The following HSD17B4 variants were observed in gnomAD, a reference collection of about 807,000 sequenced individuals.
HSD17B4 encodes the protein hydroxysteroid 17-beta dehydrogenase 4.
Under a neutral mutation model 101.0 loss-of-function variants are expected in HSD17B4, and 70 were observed. That is an observed-to-expected ratio of 0.69 (90% CI 0.57 to 0.85). The LOEUF (loss-of-function observed/expected upper bound fraction) is 0.85. Ranked by LOEUF, HSD17B4 falls within the 40% of genes least tolerant of loss-of-function variation. The pLI, the probability that HSD17B4 is intolerant of heterozygous loss-of-function variation, is 0.00. For missense variants in HSD17B4, 984 were observed against 892.4 expected, an observed-to-expected ratio of 1.10 and a Z score of -1.31; for synonymous variants, 347 against 297.1, an observed-to-expected ratio of 1.17 and a Z score of -1.73.
chr5:119,523,576 A>G (rs1753304956), intron 17 of HSD17B4, among the ~76,000 whole-genome samples: 1 of 152,122 alleles, frequency 6.6e-6, no homozygotes, highest in Non-Finnish European at 1.5e-5. Flanking sequence ...TGTTATCTAT[A>G]GAAAGCAATG....
intron 1 of HSD17B4, among the ~76,000 whole-genome samples, chr5:119,453,261 G>T (rs755958713): frequency 2.0e-5 from 3 of 152,198 alleles, no homozygotes; most frequent in Non-Finnish European, 4.4e-5. Flanking sequence ...TGCGCACAGG[G>T]GTCAGGCGTA....
intron 17 of HSD17B4, among the ~76,000 whole-genome samples, chr5:119,518,708 A>G (rs1752861172): frequency 6.6e-6 from 1 of 152,206 alleles, no homozygotes; most frequent in Non-Finnish European, 1.5e-5. Flanking sequence ...CATAAACTTT[A>G]TGCTAGGTAT....
intron 22 of HSD17B4, among the ~76,000 whole-genome samples, chr5:119,533,302 T>TA (rs879271736): frequency 9.4e-4 from 142 of 151,426 alleles, no homozygotes; most frequent in Non-Finnish European, 1.7e-3. Flanking sequence ...TTTTTTTTTT[T>TA]AAATCCATAG....
intron 17 of HSD17B4, among the ~76,000 whole-genome samples, chr5:119,518,552 A>G (rs1232764964): frequency 6.6e-5 from 10 of 152,176 alleles, no homozygotes; most frequent in Non-Finnish European, 5.9e-5. Flanking sequence ...GTTGAGAAGT[A>G]ATGATGGAGT....
intron 20 of HSD17B4, among the ~76,000 whole-genome samples, chr5:119,529,273 G>A (rs1329416694): frequency 1.3e-5 from 2 of 152,050 alleles, no homozygotes; most frequent in Admixed American, 6.5e-5. Context: ...ATGAAGGACT[G>A]GGAATTAGAA....
chr5:119,511,497 C>T (rs879644409), intron 16 of HSD17B4, among the ~76,000 whole-genome samples: 10 of 152,088 alleles, frequency 6.6e-5, no homozygotes, highest in Non-Finnish European at 1.3e-4. Context: ...ACAATTTATA[C>T]CCCAGGACAC....
At chr5:119,455,069 T>C (rs1331823411) in intron 1 of HSD17B4, among the ~76,000 whole-genome samples, 1 of 152,210 alleles carries the variant, frequency 6.6e-6, no homozygotes, top group Non-Finnish European at 1.5e-5. Flanking sequence ...ATGTAAAAAA[T>C]ATACACATAT....
At chr5:119,525,394 A>G (rs1753496045) in intron 18 of HSD17B4, 109 bp downstream of exon 18, 1 of 743,338 alleles carries the variant, frequency 1.3e-6, no homozygotes, top group Admixed American at 2.0e-5. Flanking sequence ...AGCATTTAAA[A>G]AAATGTTATT....
At chr5:119,492,154 A>T in intron 10 of HSD17B4, 30 bp downstream of exon 10, 1 of 1,560,202 alleles carries the variant, frequency 6.4e-7, no homozygotes, top group Non-Finnish European at 8.8e-7. Flanking sequence ...TGGTTTGTAT[A>T]GATTATTTCC....
In HSD17B4 at chr5:119,493,916, G is replaced by C; in HGVS notation, c.838G>C (p.Glu280Gln). ...TAACTGGAAGAAGATCTGTGACTTTGAGAATGCCAGCAAGCCTCAGAGTAT... is the reference window on the plus strand; with the variant it reads ...TAACTGGAAGAAGATCTGTGACTTTCAGAATGCCAGCAAGCCTCAGAGTAT... ...KANWKKICDF[E>Q]NASKPQSIQE... The change falls in exon 11 of 24, where the codon GAG (glutamate) becomes CAG (glutamine). Residue 280 changes from glutamate to glutamine, a missense_variant. Coordinates refer to ENST00000510025, the MANE Select transcript of HSD17B4 (RefSeq NM_000414.4). 6.2e-7 allele frequency: 1 copy of C among 1,613,346 alleles called. No individual in the cohort carries two copies. The highest frequency in any genetic ancestry group is 1.1e-5 in the South Asian group (1 of 91,058).
At chr5:119,491,022 C>A (rs1039838117) in intron 9 of HSD17B4, among the ~76,000 whole-genome samples, 1 of 152,146 alleles carries the variant, frequency 6.6e-6, no homozygotes, top group African/African-American at 2.4e-5. Context: ...AAGAGCTGTG[C>A]ATAATATCCT....
intron 14 of HSD17B4, among the ~76,000 whole-genome samples, chr5:119,504,354 C>T (rs568476868): frequency 9.5e-4 from 145 of 152,264 alleles, no homozygotes; most frequent in Non-Finnish European, 1.7e-3. Context: ...GAGAAATCTC[C>T]AGACTGCTTT....
chr5:119,460,739 G>C (rs1007306541), intron 2 of HSD17B4, among the ~76,000 whole-genome samples: 1 of 152,204 alleles, frequency 6.6e-6, no homozygotes, highest in African/African-American at 2.4e-5. Flanking sequence ...ATTCTAGTGG[G>C]GAGTAGTGGA....
intron 20 of HSD17B4, among the ~76,000 whole-genome samples, chr5:119,527,739 A>C (rs1272495196): frequency 6.6e-6 from 1 of 152,186 alleles, no homozygotes; most frequent in Non-Finnish European, 1.5e-5. Flanking sequence ...TAGAGACAAA[A>C]TTAGTTAATA....
At position 119,531,325 on chromosome 5, in the gene HSD17B4, T is replaced by C. The variant is rs1580711431; in HGVS notation, c.1914T>C (p.Ile638=). Reference sequence around the variant, plus strand: ...AAATAGGACGCCGCCTAAAGGATATTGGGCCTGAGGTGGTGAAGAAAGTAA... The same window carrying C: ...AAATAGGACGCCGCCTAAAGGATATCGGGCCTGAGGTGGTGAAGAAAGTAA... ...FEEIGRRLKD[I]GPEVVKKVNA... is the part of the protein sequence containing the mutation. Residue 638 remains isoleucine, a synonymous_variant, in exon 22 of 24, where the codon ATT becomes ATC. Coordinates refer to ENST00000510025, the MANE Select transcript of HSD17B4 (RefSeq NM_000414.4). 1.2e-6 allele frequency: 2 copies of C among 1,613,498 alleles called. No individual in the cohort carries two copies. Among genetic ancestry groups the C allele is most frequent in the African/African-American group, 2.7e-5 (2 of 74,864 alleles).
chr5:119,503,421 C>A (rs1453071267), intron 14 of HSD17B4, among the ~76,000 whole-genome samples: 11 of 152,056 alleles, frequency 7.2e-5, no homozygotes, highest in Non-Finnish European at 2.9e-5. Flanking sequence ...TATTTTTTCT[C>A]AGCCTGTGCA....
intron 15 of HSD17B4, among the ~76,000 whole-genome samples, chr5:119,507,405 T>C (rs920845999): frequency 6.6e-6 from 1 of 152,158 alleles, no homozygotes; most frequent in African/African-American, 2.4e-5. Context: ...ACATTTTATT[T>C]GCAGTGGGAA....
intron 1 of HSD17B4, among the ~76,000 whole-genome samples, chr5:119,454,537 C>A (rs1754401108): frequency 6.6e-6 from 1 of 152,026 alleles, no homozygotes; most frequent in African/African-American, 2.4e-5. Context: ...AACTCCTGGC[C>A]TCAAGTGATC....
rs111573154 is a variant in HSD17B4 at position 119,504,123 on chromosome 5, AT to A, written c.1261+2032del. Among the ~76,000 whole-genome samples, 138 of 152,246 alleles carry A rather than the reference AT, an allele frequency of 9.1e-4. 1 individual carries two copies. The highest frequency in any genetic ancestry group is 3.4e-3 in the Middle Eastern group (1 of 294). ...GGAGCACATGATTTTGTTCTTTTTC[AT>A]GGCTGCGTAGTATTCCATGGTATAT... On this transcript the variant is annotated intron_variant, in intron 14 of 23. Transcript: ENST00000510025.
Sources: allele counts gnomAD v4.1 joint callset (sites outside exome capture counted in the v4.1 genomes callset), GRCh38; gene constraint gnomAD v4.1.1; transcripts MANE v1.5; gene names NCBI Gene and HGNC (gene_info 2026-07-23, HGNC 2026-07-21).